Variants in LRP1B observed in about 807,000 individuals in gnomAD.
The protein encoded by LRP1B is LDL receptor related protein 1B, also known as low-density lipoprotein receptor-related protein 1B.
LRP1B carries 217 observed loss-of-function variants against 556.6 expected under a neutral mutation model. The observed-to-expected ratio is 0.39, with a 90% confidence interval of 0.35 to 0.44. The LOEUF (loss-of-function observed/expected upper bound fraction) is 0.44. Ranked by LOEUF, LRP1B falls within the 20% of genes least tolerant of loss-of-function variation. LRP1B has a pLI of 1.00. For missense variants in LRP1B, 5,053 were observed against 5,620.8 expected (o/e 0.90, Z 3.23); for synonymous variants, 2,047 against 1,865.8 (o/e 1.10, Z -2.50).
Position 141,480,507 on chromosome 2 carries a change from G to A in LRP1B, c.232C>T (p.Pro78Ser). The A allele has an allele frequency of 1.9e-6, 3 of 1,613,844 alleles. No individual in the cohort carries two copies. Among genetic ancestry groups the A allele is most frequent in the Non-Finnish European group, 2.5e-6 (3 of 1,179,894 alleles). ...CCAAGGCAAGCAATGTGATTCAAGG[G>A]GCACTTGATTTCTACCTCCTCGGGA... ...TCPEEVEIKC[P>S]LNHIACLGTN... The change falls in exon 3 of 91, where the codon CCC (proline) becomes TCC (serine). Residue 78 changes from proline to serine, a missense_variant. Physicochemically the swap from Pro to Ser is moderately conservative, Grantham distance 74. Around this residue, in one of 5 missense-constraint regions of LRP1B, gnomAD observed 3,619 missense variants for 3,931.9 expected, o/e 0.92. Coordinates refer to ENST00000389484, the MANE Select transcript of LRP1B (RefSeq NM_018557.3).
chr2:140,813,789 C>T lies in LRP1B; in HGVS notation c.5227G>A (p.Val1743Met). ...KEPVGLSIDY[V>M]ENKLYWISSG... ...CTGATCCAATAAAGCTTGTTTTCCA[C>T]ATAGTCTATCGATAGACCTGTAATT... Residue 1743 changes from valine (V) to methionine (M), a missense_variant, in exon 32 of 91, where the codon GTG becomes ATG. By Grantham distance (21) the Val-to-Met change is conservative (BLOSUM62 1). This residue lies in a region of LRP1B where 3,619 missense variants were observed against 3,931.9 expected (regional missense o/e 0.92). Coordinates refer to ENST00000389484, the MANE Select transcript of LRP1B (RefSeq NM_018557.3). 6.2e-7 allele frequency: 1 copy of T among 1,608,130 alleles called. No individual in the cohort carries two copies. Among genetic ancestry groups the T allele is most frequent in the Non-Finnish European group, 8.5e-7 (1 of 1,175,128 alleles).
rs192335149 is a variant in LRP1B, at chr2:141,630,447, C to T, written c.206-149914G>A. On this transcript the variant is annotated intron_variant, in intron 2 of 90. Transcript: ENST00000389484. ...AGAACTTCTTTACATCTTGAACTACCAGTTTTTATTTCAATTCCAACTCAG... is the reference window on the plus strand; with the variant it reads ...AGAACTTCTTTACATCTTGAACTACTAGTTTTTATTTCAATTCCAACTCAG... Among the ~76,000 whole-genome samples, 33 of 152,270 alleles carry T rather than the reference C, an allele frequency of 2.2e-4. 1 individual carries two copies. The highest frequency in any genetic ancestry group is 7.5e-4 in the African/African-American group (31 of 41,548).
intron 7 of LRP1B, among the ~76,000 whole-genome samples, chr2:141,180,626 A>G (rs1411011796): frequency 1.3e-5 from 2 of 151,894 alleles, no homozygotes. Flanking sequence ...ACAAATAAAA[A>G]CAGGGATATG....
At chr2:140,784,500 T>A (rs1689826076) in intron 32 of LRP1B, among the ~76,000 whole-genome samples, 1 of 151,250 alleles carries the variant, frequency 6.6e-6, no homozygotes, top group Admixed American at 6.6e-5. Context: ...TTTCTGATGA[T>A]CTCTTTAGGA....
At chr2:141,555,528 A>T (rs1685929558) in intron 2 of LRP1B, among the ~76,000 whole-genome samples, 1 of 151,940 alleles carries the variant, frequency 6.6e-6, no homozygotes, top group Non-Finnish European at 1.5e-5. Context: ...ATAAATGAGT[A>T]AACATGAAAA....
chr2:140,714,365 G>T (rs1320914215), intron 37 of LRP1B, among the ~76,000 whole-genome samples: 1 of 152,108 alleles, frequency 6.6e-6, no homozygotes, highest in Admixed American at 6.6e-5. Flanking sequence ...TCAAGCTAGA[G>T]ACAAGTAGGT....
chr2:140,952,954 T>A (rs1226886547), intron 18 of LRP1B, among the ~76,000 whole-genome samples: 2 of 151,986 alleles, frequency 1.3e-5, no homozygotes, highest in Admixed American at 6.6e-5. Flanking sequence ...GCATTACAAA[T>A]CTTCACACAC....
At chr2:140,996,571 T>C (rs965547377) in intron 15 of LRP1B, among the ~76,000 whole-genome samples, 2 of 151,958 alleles carry the variant, frequency 1.3e-5, no homozygotes. Context: ...TAGAACAGAA[T>C]AGGGTGTAGA....
chr2:141,943,541 A>G (rs1443617677), intron 1 of LRP1B, among the ~76,000 whole-genome samples: 3 of 152,168 alleles, frequency 2.0e-5, no homozygotes, highest in Non-Finnish European at 2.9e-5. Flanking sequence ...ATGATTTACC[A>G]TTAGCCAAAT....
intron 2 of LRP1B, among the ~76,000 whole-genome samples, chr2:141,680,246 A>C (rs114195873): frequency 6.6e-6 from 1 of 152,280 alleles, no homozygotes; most frequent in African/African-American, 2.4e-5. Context: ...GATGGTGAAA[A>C]ACAGGAAAAT....
intron 2 of LRP1B, among the ~76,000 whole-genome samples, chr2:141,646,072 T>C (rs1689551539): frequency 6.6e-6 from 1 of 152,150 alleles, no homozygotes; most frequent in South Asian, 2.1e-4. Context: ...TGTGCTGATA[T>C]CTTACACAAT....
chr2:141,162,376 ATCT>A (rs972987184), intron 7 of LRP1B, among the ~76,000 whole-genome samples: 1 of 151,978 alleles, frequency 6.6e-6, no homozygotes, highest in African/African-American at 2.4e-5. Flanking sequence ...AGTATTCACG[ATCT>A]TTTGTCTTTT....
intron 41 of LRP1B, among the ~76,000 whole-genome samples, chr2:140,670,323 G>T (rs1000005728): frequency 6.6e-6 from 1 of 152,082 alleles, no homozygotes; most frequent in African/African-American, 2.4e-5. Context: ...AGTTGGAAAA[G>T]ATATTGACAA....
intron 1 of LRP1B, among the ~76,000 whole-genome samples, chr2:141,901,055 T>TA (rs1468501652): frequency 6.6e-6 from 1 of 152,066 alleles, no homozygotes; most frequent in Non-Finnish European, 1.5e-5. Flanking sequence ...AGGCAACCAA[T>TA]ACGGTTCTTC....
chr2:141,018,198 T>C (rs1697962558), intron 12 of LRP1B, among the ~76,000 whole-genome samples: 1 of 151,992 alleles, frequency 6.6e-6, no homozygotes, highest in Non-Finnish European at 1.5e-5. Context: ...GCAAGAAAAA[T>C]TCTACCCTTT....
chr2:140,931,828 A>G (rs1457883452), intron 20 of LRP1B, among the ~76,000 whole-genome samples: 1 of 149,562 alleles, frequency 6.7e-6, no homozygotes, highest in Non-Finnish European at 1.5e-5. Flanking sequence ...ATAAGTGGAT[A>G]GATGTATTAA....
chr2:141,022,232 C>T (rs6718290), intron 11 of LRP1B, among the ~76,000 whole-genome samples: 119,381 of 151,404 alleles, frequency 0.79, 47,108 homozygotes, highest in Admixed American at 0.83. Context: ...TCTATTAAGA[C>T]AGTAATAAAG....
intron 7 of LRP1B, among the ~76,000 whole-genome samples, chr2:141,116,133 GAC>G (rs1270811191): frequency 3.3e-5 from 5 of 151,996 alleles, no homozygotes; most frequent in Non-Finnish European, 7.4e-5. Context: ...AATTAAATGT[GAC>G]AGTCATTTTA....
chr2:141,620,181 G>A (rs1212282703), intron 2 of LRP1B, among the ~76,000 whole-genome samples: 1 of 152,134 alleles, frequency 6.6e-6, no homozygotes, highest in African/African-American at 2.4e-5. Flanking sequence ...TTGAACTCAT[G>A]GCCTCAAGCA....
Sources: gnomAD v4.1 joint callset for allele counts (sites outside exome capture counted in the v4.1 genomes callset) on GRCh38, gnomAD v4.1.1 for gene constraint, gnomAD v4.1.1 regional missense constraint, MANE v1.5 for transcripts, NCBI Gene and HGNC (gene_info 2026-07-23, HGNC 2026-07-21) for gene names.